Variants in TBL1X observed in about 807,000 individuals in gnomAD.
TBL1X encodes the protein F-box-like/WD repeat-containing protein TBL1X.
Under a neutral mutation model 50.7 loss-of-function variants are expected in TBL1X, and 10 were observed. The ratio of observed to expected loss-of-function variants is 0.20; its 90% confidence interval spans 0.12 to 0.33. The LOEUF (loss-of-function observed/expected upper bound fraction) is 0.33, where lower values mean the gene tolerates loss of function less well. Among genes scored for constraint, TBL1X ranks in the 10% least tolerant of loss-of-function variants. TBL1X has a pLI of 1.00. For missense variants in TBL1X, 340 were observed against 504.4 expected, an observed-to-expected ratio of 0.67 and a Z score of 3.12; for synonymous variants, 190 against 214.7, an observed-to-expected ratio of 0.88 and a Z score of 1.01.
chrX:9,536,735 T>G (rs1327974720), intron 2 of TBL1X, among the ~76,000 whole-genome samples: 1 of 111,851 alleles, frequency 8.9e-6, no homozygotes, highest in Non-Finnish European at 1.9e-5. Flanking sequence ...CATGTTACTC[T>G]TAAATTGGGC....
At chrX:9,631,211 G>C in intron 2 of TBL1X, among the ~76,000 whole-genome samples, 1 of 111,185 alleles carries the variant, frequency 9.0e-6, no homozygotes. Context: ...GTCATGGGGG[G>C]TTTGTTGTAC....
intron 3 of TBL1X, among the ~76,000 whole-genome samples, chrX:9,647,428 C>G (rs1376320341): frequency 8.9e-6 from 1 of 111,775 alleles, no homozygotes; most frequent in Non-Finnish European, 1.9e-5. Context: ...AATCACAACT[C>G]CAAACACCTC....
At chrX:9,710,458 GTACTGTGATA>G (rs2083239656) in intron 15 of TBL1X, among the ~76,000 whole-genome samples, 1 of 111,415 alleles carries the variant, frequency 9.0e-6, no homozygotes, top group Non-Finnish European at 1.9e-5. Flanking sequence ...TCCACTTAAA[GTACTGTGATA>G]TAGTGTGATA....
rs773990033 is a variant in TBL1X, at chrX:9,693,368, C to G, written c.1002C>G (p.Ala334=). 8.3e-7 allele frequency: 1 copy of G among 1,209,152 alleles called. No individual in the cohort carries two copies. Among genetic ancestry groups the G allele is most frequent in the African/African-American group, 1.8e-5 (1 of 57,122 alleles). ...GCCAACATAAAGGCCCCATCTTTGCCTTGAAATGGAACCGAAAGGGGAATT... is the reference window on the plus strand; with the variant it reads ...GCCAACATAAAGGCCCCATCTTTGCGTTGAAATGGAACCGAAAGGGGAATT... The part of the protein sequence containing the change: ...TLGQHKGPIF[A]LKWNRKGNYI... The change falls in exon 11 of 18, where the codon GCC becomes GCG. Residue 334 remains alanine (A), a synonymous_variant. Coordinates refer to ENST00000645353, the MANE Select transcript of TBL1X (RefSeq NM_005647.4).
At chrX:9,607,797 A>AT (rs1340337019) in intron 2 of TBL1X, among the ~76,000 whole-genome samples, 2 of 108,860 alleles carry the variant, frequency 1.8e-5, no homozygotes, top group Non-Finnish European at 3.8e-5. Flanking sequence ...TGTTCCTTTT[A>AT]TTTTTTTAAG....
chrX:9,658,959 A>G lies in TBL1X; in HGVS notation c.211+4637A>G, dbSNP rs1271443736. Among the ~76,000 whole-genome samples the G allele has an allele frequency of 4.5e-5, 5 of 111,317 alleles. No individual in the cohort carries two copies. In the Admixed American group the frequency reaches 4.8e-4, roughly 11 times the overall value. ...AGCTGGGACTATAGGCTTGTGCCAC[A>G]AGAAATTATGCCCAGCTAATTTCTT... On this transcript the variant is annotated intron_variant, in intron 5 of 17. Coordinates refer to ENST00000645353, the MANE Select transcript of TBL1X (RefSeq NM_005647.4).
At position 9,591,258 on chromosome X, in the gene TBL1X, G is replaced by A. The variant is rs750174118; in HGVS notation, c.-130-49015G>A. 4.5e-5 allele frequency among the ~76,000 whole-genome samples: 5 copies of A among 111,593 alleles called. No individual in the cohort carries two copies. The East Asian group carries it at 1.4e-3, about 32-fold the overall frequency. The stretch of plus-strand genomic sequence containing the variant: ...CTCCACGTGAAGCACTCAGCACAGT[G>A]CCTGTCCCCTCTGCAGACATGATGC... On this transcript the variant is annotated intron_variant, in intron 2 of 17. Coordinates refer to ENST00000645353, the MANE Select transcript of TBL1X (RefSeq NM_005647.4).
intron 2 of TBL1X, among the ~76,000 whole-genome samples, chrX:9,610,532 A>G (rs1013627826): frequency 6.3e-5 from 7 of 111,956 alleles, no homozygotes; most frequent in African/African-American, 2.3e-4. Context: ...TGAAGCACTG[A>G]ACTGTCTTAT....
chrX:9,538,869 C>A (rs1462226975), intron 2 of TBL1X, among the ~76,000 whole-genome samples: 1 of 112,803 alleles, frequency 8.9e-6, no homozygotes, highest in Non-Finnish European at 1.9e-5. Context: ...TGCGTGTGCA[C>A]CTGCTGGGGA....
intron 2 of TBL1X, among the ~76,000 whole-genome samples, chrX:9,531,853 C>A (rs1176062287): frequency 1.8e-5 from 2 of 110,821 alleles, no homozygotes; most frequent in African/African-American, 3.3e-5. Flanking sequence ...CTGCCTCAGT[C>A]CCCCTAGTAG....
intron 2 of TBL1X, among the ~76,000 whole-genome samples, chrX:9,591,868 G>C (rs1380326938): frequency 8.9e-6 from 1 of 112,270 alleles, no homozygotes; most frequent in African/African-American, 3.2e-5. Context: ...AGGTACCCAG[G>C]GGGGCAGGGG....
At chrX:9,642,215 A>G (rs760204613) in intron 3 of TBL1X, among the ~76,000 whole-genome samples, 10 of 111,468 alleles carry the variant, frequency 9.0e-5, no homozygotes, top group African/African-American at 2.6e-4. Context: ...TGCGTGAGGT[A>G]TCTGTGTTTG....
chrX:9,492,279 T>A (rs779091454), intron 1 of TBL1X, among the ~76,000 whole-genome samples: 1 of 110,971 alleles, frequency 9.0e-6, no homozygotes, highest in Non-Finnish European at 1.9e-5. Flanking sequence ...TTAACTTGCC[T>A]CTCATCCCCT....
intron 2 of TBL1X, among the ~76,000 whole-genome samples, chrX:9,626,090 G>A (rs756934292): frequency 2.7e-5 from 3 of 112,062 alleles, no homozygotes; most frequent in African/African-American, 9.7e-5. Flanking sequence ...GGACGGTGAT[G>A]CAGTGAGGGG....
chrX:9,643,600 C>T (rs939718560), intron 3 of TBL1X, among the ~76,000 whole-genome samples: 2 of 111,536 alleles, frequency 1.8e-5, no homozygotes, highest in African/African-American at 3.3e-5. Context: ...CTTTGTACTC[C>T]CTGCACTTTA....
intron 1 of TBL1X, among the ~76,000 whole-genome samples, chrX:9,477,735 G>A (rs748023410): frequency 1.8e-5 from 2 of 111,582 alleles, no homozygotes; most frequent in Non-Finnish European, 3.8e-5. Flanking sequence ...GGGATTTTTG[G>A]TAAATTTACT....
At chrX:9,564,995 G>T in intron 2 of TBL1X, among the ~76,000 whole-genome samples, 1 of 110,665 alleles carries the variant, frequency 9.0e-6, no homozygotes, top group Non-Finnish European at 1.9e-5. Context: ...CATAGGCTGG[G>T]TGCGGTGGCT....
At chrX:9,665,540 A>AT (rs1569091686) in intron 5 of TBL1X, among the ~76,000 whole-genome samples, 19 of 32,947 alleles carry the variant, frequency 5.8e-4, no homozygotes, top group African/African-American at 2.0e-3. Flanking sequence ...TATATATATA[A>AT]AAGGCCTTGG....
At chrX:9,636,942 C>T (rs1313478957) in intron 2 of TBL1X, 1 of 111,994 alleles carries the variant, frequency 8.9e-6, no homozygotes, top group Non-Finnish European at 1.9e-5. Context: ...TTGGCTGGAC[C>T]TTTGTAACTC....
Sources: gnomAD v4.1 joint callset for allele counts (sites outside exome capture counted in the v4.1 genomes callset) on GRCh38, gnomAD v4.1.1 for gene constraint, MANE v1.5 for transcripts, NCBI Gene and HGNC (gene_info 2026-07-23, HGNC 2026-07-21) for gene names.